Variants in SULT1E1 observed in about 807,000 individuals in gnomAD.
The protein encoded by SULT1E1 is sulfotransferase family 1E member 1, also known as sulfotransferase 1E1.
In SULT1E1, 36 loss-of-function variants were observed where a neutral mutation model predicts 33.6. The ratio of observed to expected loss-of-function variants is 1.07; its 90% confidence interval spans 0.82 to 1.41. The LOEUF (loss-of-function observed/expected upper bound fraction) is 1.41. Ranked by LOEUF, SULT1E1 falls within the 40% of genes most tolerant of loss-of-function variation. SULT1E1 has a pLI of 0.00. For synonymous variants in SULT1E1, 121 were observed against 111.7 expected (o/e 1.08, Z -0.53); for missense variants, 371 against 345.7 (o/e 1.07, Z -0.58).
At chr4:69,854,170 AT>A (rs1721183508) in intron 4 of SULT1E1, 46 bp downstream of exon 4, 1 of 1,395,438 alleles carries the variant, frequency 7.2e-7, no homozygotes, top group South Asian at 1.2e-5. Context: ...TCACTCTATC[AT>A]TTCTTGGAAT....
the SULT1E1 span, among the ~76,000 whole-genome samples, chr4:69,823,400 G>A: frequency 6.6e-6 from 1 of 152,124 alleles, no homozygotes; most frequent in African/African-American, 2.4e-5. Context: ...TTCATTTGGA[G>A]TGTAGCTTAG....
downstream of SULT1E1, among the ~76,000 whole-genome samples, chr4:69,839,128 A>C (rs560272248): frequency 6.6e-6 from 1 of 152,220 alleles, no homozygotes; most frequent in African/African-American, 2.4e-5. Flanking sequence ...TACCACACCC[A>C]TAAGTGCTAA....
intron 7 of SULT1E1, 57 bp from the exon 8 acceptor site, chr4:69,842,163 T>C: frequency 9.8e-7 from 1 of 1,016,374 alleles, no homozygotes; most frequent in Non-Finnish European, 1.5e-6. Flanking sequence ...AATCATTAGG[T>C]TTGCTAATTT....
the SULT1E1 span, among the ~76,000 whole-genome samples, chr4:69,825,647 T>A: frequency 6.6e-6 from 1 of 152,152 alleles, no homozygotes; most frequent in Admixed American, 6.5e-5. Flanking sequence ...GTTTCTGCTT[T>A]TCCTGTACTT....
chr4:69,833,980 A>C, the SULT1E1 span, among the ~76,000 whole-genome samples: 13 of 152,150 alleles, frequency 8.5e-5, no homozygotes, highest in African/African-American at 3.1e-4. Context: ...CCATCCTTTG[A>C]AATGTTCTTT....
chr4:69,829,547 G>A, the SULT1E1 span, among the ~76,000 whole-genome samples: 1 of 152,146 alleles, frequency 6.6e-6, no homozygotes, highest in Admixed American at 6.5e-5. Flanking sequence ...CAGCTTTCAG[G>A]ACAGTAAGGG....
At chr4:69,825,240 C>T in the SULT1E1 span, among the ~76,000 whole-genome samples, 1 of 152,078 alleles carries the variant, frequency 6.6e-6, no homozygotes, top group Non-Finnish European at 1.5e-5. Flanking sequence ...GCCAGCAAGA[C>T]CACGAACCCA....
At chr4:69,829,574 T>C in the SULT1E1 span, among the ~76,000 whole-genome samples, 2 of 152,314 alleles carry the variant, frequency 1.3e-5, no homozygotes, top group South Asian at 2.1e-4. Context: ...CCATAGCCTA[T>C]GGGTGAGCTA....
chr4:69,847,669 A>G, intron 6 of SULT1E1, 29 bp downstream of exon 6: 1 of 1,404,912 alleles, frequency 7.1e-7, no homozygotes, highest in Non-Finnish European at 9.9e-7. Flanking sequence ...AGAAATTACC[A>G]AGTTGCTTAT....
In SULT1E1 at chr4:69,841,433, G is replaced by A. The variant is rs1720883552; in HGVS notation, c.*561C>T. ...GTACAGCTCAATAAACATGTTACCT[G>A]GGCCAGGCATGGAGGCTCAAGCCTG... On this transcript the variant is annotated 3_prime_UTR_variant, in exon 8 of 8. Coordinates refer to ENST00000226444, the MANE Select transcript of SULT1E1 (RefSeq NM_005420.3). 1 of 152,204 alleles carries A rather than the reference G, an allele frequency of 6.6e-6. No individual in the cohort carries two copies. Among genetic ancestry groups the A allele is most frequent in the Non-Finnish European group, 1.5e-5 (1 of 68,100 alleles). 9.4% of individuals were successfully genotyped at this position (152,204 alleles called of 1,614,324 possible). A position where few individuals can be genotyped will look rare whatever the true frequency, so the allele number is the denominator to read the frequency against.
intron 7 of SULT1E1, among the ~76,000 whole-genome samples, chr4:69,843,649 A>AT (rs1313535682): frequency 6.6e-6 from 1 of 151,952 alleles, no homozygotes; most frequent in Non-Finnish European, 1.5e-5. Context: ...CCCAAATAGA[A>AT]TTTTTTTCTC....
At chr4:69,844,048 G>T in intron 7 of SULT1E1, 113 bp downstream of exon 7, 1 of 905,346 alleles carries the variant, frequency 1.1e-6, no homozygotes, top group Non-Finnish European at 1.8e-6. Context: ...AAAGACTGCT[G>T]AAGAAAACTT....
the SULT1E1 span, among the ~76,000 whole-genome samples, chr4:69,825,875 T>C: frequency 6.6e-6 from 1 of 152,194 alleles, no homozygotes; most frequent in Non-Finnish European, 1.5e-5. Flanking sequence ...CTAGTCCCAC[T>C]TCTAAAAACC....
the SULT1E1 span, among the ~76,000 whole-genome samples, chr4:69,831,338 T>G: frequency 6.6e-6 from 1 of 152,188 alleles, no homozygotes; most frequent in Non-Finnish European, 1.5e-5. Context: ...ACTAGTGTCT[T>G]ACAATATGCT....
chr4:69,847,982 G>C (rs1448001679), intron 5 of SULT1E1, among the ~76,000 whole-genome samples, 190 bp from the exon 6 acceptor site: 1 of 151,724 alleles, frequency 6.6e-6, no homozygotes, highest in African/African-American at 2.4e-5. Context: ...ATCTATGTAT[G>C]TAAAAATAGT....
the SULT1E1 span, among the ~76,000 whole-genome samples, chr4:69,826,248 T>A: frequency 6.6e-6 from 1 of 152,150 alleles, no homozygotes; most frequent in Non-Finnish European, 1.5e-5. Flanking sequence ...TGGGGTAAAG[T>A]TCCAATACTA....
the SULT1E1 span, among the ~76,000 whole-genome samples, chr4:69,830,861 C>T: frequency 6.6e-6 from 1 of 152,174 alleles, no homozygotes; most frequent in Non-Finnish European, 1.5e-5. Context: ...CATGATGCTT[C>T]CAGTTCATGA....
intron 1 of SULT1E1, among the ~76,000 whole-genome samples, chr4:69,859,848 A>G (rs1481615393): frequency 6.6e-6 from 1 of 152,122 alleles, no homozygotes; most frequent in Admixed American, 6.5e-5. Flanking sequence ...ACAAAATACT[A>G]CATAAATGTA....
At chr4:69,839,295 C>T (rs1422933386), downstream of SULT1E1, among the ~76,000 whole-genome samples, 1 of 152,106 alleles carries the variant, frequency 6.6e-6, no homozygotes, top group African/African-American at 2.4e-5. Context: ...GGCCTTTTTG[C>T]TGCAACATAA....
Sources: gnomAD v4.1 joint callset for allele counts (sites outside exome capture counted in the v4.1 genomes callset) on GRCh38, gnomAD v4.1.1 for gene constraint, MANE v1.5 for transcripts, NCBI Gene and HGNC (gene_info 2026-07-23, HGNC 2026-07-21) for gene names.